The following SMCO2 variants were observed in gnomAD, a reference collection of about 807,000 sequenced individuals.
SMCO2 encodes single-pass membrane protein with coiled-coil domains 2.
Under a neutral mutation model 29.5 loss-of-function variants are expected in SMCO2, and 25 were observed. The observed-to-expected ratio is 0.85, with a 90% confidence interval of 0.62 to 1.18. The LOEUF (loss-of-function observed/expected upper bound fraction) is 1.18. Ranked by LOEUF, SMCO2 falls within the 50% of genes most tolerant of loss-of-function variation. SMCO2 has a pLI of 0.00. For synonymous variants in SMCO2, 117 were observed against 123.3 expected, an observed-to-expected ratio of 0.95 and a Z score of 0.34; for missense variants, 348 against 344.5, an observed-to-expected ratio of 1.01 and a Z score of -0.08.
intron 7 of SMCO2, among the ~76,000 whole-genome samples, chr12:27,501,442 C>A (rs1432278185): frequency 1.8e-3 from 230 of 130,628 alleles, no homozygotes; most frequent in South Asian, 4.5e-3. Flanking sequence ...AAAAAACAAA[C>A]AAACAAAACA....
At chr12:27,453,962 C>G in the SMCO2 span, among the ~76,000 whole-genome samples, 1 of 152,050 alleles carries the variant, frequency 6.6e-6, no homozygotes, top group Non-Finnish European at 1.5e-5. Context: ...ATTTTTGTTT[C>G]TTTTAGACTT....
At chr12:27,456,843 A>G in the SMCO2 span, among the ~76,000 whole-genome samples, 114 of 152,288 alleles carry the variant, frequency 7.5e-4, no homozygotes, top group Middle Eastern at 0.017. Flanking sequence ...CCTGGGCCGC[A>G]CAGCAGGAGG....
chr12:27,458,528 A>G, the SMCO2 span, among the ~76,000 whole-genome samples: 2 of 152,204 alleles, frequency 1.3e-5, no homozygotes, highest in African/African-American at 4.8e-5. Flanking sequence ...ATCTACACTA[A>G]ATTTTTGTGA....
chr12:27,488,523 C>A (rs890995265), exon 5 of SMCO2: 3 of 1,539,952 alleles, frequency 1.9e-6, no homozygotes, highest in Middle Eastern at 3.3e-4. Context: ...GGGGCCTTGA[C>A]CTTGATCAAG....
intron 4 of SMCO2, among the ~76,000 whole-genome samples, chr12:27,476,047 A>C (rs1225528112): frequency 6.6e-6 from 1 of 152,098 alleles, no homozygotes; most frequent in Non-Finnish European, 1.5e-5. Flanking sequence ...TCTCTGATAA[A>C]TTGTGGTAGG....
chr12:27,463,124 T>G (rs1313369170), upstream of SMCO2, among the ~76,000 whole-genome samples: 2 of 152,200 alleles, frequency 1.3e-5, no homozygotes, highest in Non-Finnish European at 2.9e-5. Context: ...AAGAGGTGGC[T>G]CAGGAAAGCT....
chr12:27,481,982 C>T lies in SMCO2; in HGVS notation c.363-6478C>T, dbSNP rs551298420. On this transcript the variant is annotated intron_variant, in intron 4 of 7. Coordinates refer to ENST00000298876, the Ensembl canonical transcript of SMCO2. ...GGGTTTTTTGCTATTGTTTTTCTGG[C>T]TTTTTGAAAATTTTCATTTGATTCT... is the stretch of plus-strand genomic sequence containing the variant. Among the ~76,000 whole-genome samples the T allele has an allele frequency of 6.8e-5, 10 of 146,662 alleles. No homozygotes were observed. The South Asian group carries it at 2.2e-3, about 32-fold the overall frequency.
chr12:27,433,602 T>C, the SMCO2 span, among the ~76,000 whole-genome samples: 1 of 152,130 alleles, frequency 6.6e-6, no homozygotes, highest in African/African-American at 2.4e-5. Flanking sequence ...AAGGAAATTC[T>C]AAAACTCTAC....
the SMCO2 span, among the ~76,000 whole-genome samples, chr12:27,458,469 G>C: frequency 6.6e-6 from 1 of 152,046 alleles, no homozygotes; most frequent in Non-Finnish European, 1.5e-5. Context: ...GGTAAATAAA[G>C]GTTTTTTAAA....
the SMCO2 span, among the ~76,000 whole-genome samples, chr12:27,457,168 G>A: frequency 6.6e-6 from 1 of 152,050 alleles, no homozygotes; most frequent in African/African-American, 2.4e-5. Context: ...CTTGGTGGCA[G>A]GCCTAACAAC....
chr12:27,482,281 A>G (rs1346943133), intron 4 of SMCO2, among the ~76,000 whole-genome samples: 1 of 152,046 alleles, frequency 6.6e-6, no homozygotes, highest in East Asian at 1.9e-4. Context: ...TTATTTTTAT[A>G]TCTGTAAATA....
At chr12:27,495,612 A>G in intron 6 of SMCO2, 68 bp from the exon 8 acceptor site, 1 of 1,360,332 alleles carries the variant, frequency 7.4e-7, no homozygotes, top group Non-Finnish European at 9.7e-7. Context: ...AGCACTCAGC[A>G]TTATCTATAG....
chr12:27,441,624 T>C, the SMCO2 span, among the ~76,000 whole-genome samples: 1 of 152,178 alleles, frequency 6.6e-6, no homozygotes, highest in Admixed American at 6.5e-5. Flanking sequence ...AGTACCATTA[T>C]AGTGCGGGCT....
chr12:27,483,995 T>C lies in SMCO2; in HGVS notation c.363-4465T>C, dbSNP rs559348557. The stretch of plus-strand genomic sequence containing the variant: ...TTTTTAAAGTAAGAAAAAAATTGTT[T>C]ATATTTACACACATATTTACTATTA... On this transcript the variant is annotated intron_variant, in intron 4 of 7. Transcript: ENST00000298876. 6.6e-5 allele frequency among the ~76,000 whole-genome samples: 10 copies of C among 152,328 alleles called. No individual in the cohort carries two copies. In the East Asian group the frequency reaches 1.7e-3, roughly 26 times the overall value.
the SMCO2 span, among the ~76,000 whole-genome samples, chr12:27,442,480 G>A: frequency 9.7e-4 from 147 of 152,226 alleles, 1 homozygote; most frequent in African/African-American, 3.4e-3. Context: ...AACACACAGA[G>A]CCTACCAAGA....
chr12:27,470,255 C>A (rs955435991), intron 1 of SMCO2, among the ~76,000 whole-genome samples: 3 of 151,910 alleles, frequency 2.0e-5, no homozygotes, highest in African/African-American at 7.3e-5. Context: ...TTTTCTTTTG[C>A]CCTTTTTACT....
the SMCO2 span, among the ~76,000 whole-genome samples, chr12:27,443,726 T>C: frequency 6.6e-6 from 1 of 151,896 alleles, no homozygotes; most frequent in Non-Finnish European, 1.5e-5. Context: ...CAGTGAACAA[T>C]TTGTAAAAAA....
the SMCO2 span, among the ~76,000 whole-genome samples, chr12:27,445,731 T>TGCCATCAC: frequency 6.6e-4 from 100 of 152,312 alleles, no homozygotes; most frequent in African/African-American, 2.4e-3. Flanking sequence ...TAGCTCAGGC[T>TGCCATCAC]GCCATCACGA....
At chr12:27,455,293 G>A in the SMCO2 span, among the ~76,000 whole-genome samples, 4 of 152,066 alleles carry the variant, frequency 2.6e-5, no homozygotes, top group Admixed American at 6.5e-5. Flanking sequence ...AGTCCGGTGG[G>A]CATATTGGTA....
Sources: gnomAD v4.1 joint callset for allele counts (sites outside exome capture counted in the v4.1 genomes callset) on GRCh38, gnomAD v4.1.1 for gene constraint, MANE v1.5 for transcripts, NCBI Gene and HGNC (gene_info 2026-07-23, HGNC 2026-07-21) for gene names.